The following CEP128 variants were observed in gnomAD, a reference collection of about 807,000 sequenced individuals.
The protein encoded by CEP128 is centrosomal protein 128.
In CEP128, 132 loss-of-function variants were observed where a neutral mutation model predicts 156.7. The ratio of observed to expected loss-of-function variants is 0.84; its 90% CI spans 0.73 to 0.97. CEP128 has a LOEUF of 0.97. Among genes scored for constraint, CEP128 ranks in the 50% least tolerant of loss-of-function variants. The pLI, the probability that CEP128 is intolerant of heterozygous loss-of-function variation, is 0.00. For missense variants in CEP128, 1,252 were observed against 1,281.9 expected, an observed-to-expected ratio of 0.98 and a Z score of 0.36; for synonymous variants, 469 against 448.9, an observed-to-expected ratio of 1.04 and a Z score of -0.57.
At chr14:80,576,268 T>C (rs1248074964) in intron 20 of CEP128, among the ~76,000 whole-genome samples, 1 of 152,176 alleles carries the variant, frequency 6.6e-6, no homozygotes, top group East Asian at 1.9e-4. Flanking sequence ...CAGCTGATCT[T>C]GAGAGGAATG....
At chr14:80,540,779 G>C (rs1247573624) in intron 21 of CEP128, among the ~76,000 whole-genome samples, 2 of 152,132 alleles carry the variant, frequency 1.3e-5, no homozygotes, top group Non-Finnish European at 2.9e-5. Flanking sequence ...GGGACTTGCT[G>C]AACAGTAGCA....
chr14:80,756,892 C>CT lies in CEP128; in HGVS notation c.2612dup (p.Thr872AspfsTer2). The CT allele has an allele frequency of 1.3e-6, 2 of 1,576,824 alleles. No individual in the cohort carries two copies. Among genetic ancestry groups the CT allele is most frequent in the Non-Finnish European group, 1.7e-6 (2 of 1,148,628 alleles). ...ACTTTAGGATTTAAAGATTAATTAC[C>CT]TTGCTTTCTGCTAACCAGCGATGTG... On this transcript the variant is annotated frameshift_variant and splice_region_variant, in exon 18 of 25. Transcript: ENST00000555265. LOFTEE classifies it high-confidence loss of function.
intron 13 of CEP128, among the ~76,000 whole-genome samples, chr14:80,825,704 C>G (rs1199655292): frequency 6.6e-6 from 1 of 152,148 alleles, no homozygotes; most frequent in Non-Finnish European, 1.5e-5. Context: ...GAAAAACCAC[C>G]TTTCCTCATA....
At chr14:80,490,442 GGA>G (rs1414118562), downstream of CEP128, 1 of 152,112 alleles carries the variant, frequency 6.6e-6, no homozygotes, top group East Asian at 1.9e-4. Context: ...GAAGTTCCTG[GGA>G]GTGAGAGAAA....
At chr14:80,510,424 C>T (rs1434231286) in intron 23 of CEP128, among the ~76,000 whole-genome samples, 1 of 151,980 alleles carries the variant, frequency 6.6e-6, no homozygotes, top group East Asian at 1.9e-4. Context: ...ACATCGTCCA[C>T]TGTTGGCATA....
At chr14:80,815,969 T>C (rs936923880) in intron 13 of CEP128, among the ~76,000 whole-genome samples, 1 of 151,956 alleles carries the variant, frequency 6.6e-6, no homozygotes, top group Non-Finnish European at 1.5e-5. Flanking sequence ...GGAGGGAAGT[T>C]TGAGATGAGA....
chr14:80,940,720 A>T (rs1250921639), intron 1 of CEP128, among the ~76,000 whole-genome samples: 1 of 152,046 alleles, frequency 6.6e-6, no homozygotes, highest in African/African-American at 2.4e-5. Context: ...TATTTACTCC[A>T]TTGAAAACAT....
intron 8 of CEP128, among the ~76,000 whole-genome samples, chr14:80,888,505 CAT>C (rs1307999674): frequency 6.6e-6 from 1 of 152,100 alleles, no homozygotes; most frequent in Non-Finnish European, 1.5e-5. Context: ...TAATCCATCA[CAT>C]AAACAAAACC....
At chr14:80,677,883 A>T (rs1896129708) in intron 19 of CEP128, among the ~76,000 whole-genome samples, 1 of 152,046 alleles carries the variant, frequency 6.6e-6, no homozygotes, top group Admixed American at 6.6e-5. Flanking sequence ...GTTGAAAAAC[A>T]TGTTTAAGAG....
intron 19 of CEP128, among the ~76,000 whole-genome samples, chr14:80,737,572 T>C (rs1377550942): frequency 6.6e-6 from 1 of 152,110 alleles, no homozygotes; most frequent in Non-Finnish European, 1.5e-5. Flanking sequence ...CTGAACAAGC[T>C]GGTCACAATG....
intron 23 of CEP128, among the ~76,000 whole-genome samples, chr14:80,520,441 C>CAAACA (rs1555370355): frequency 2.6e-5 from 4 of 151,110 alleles, no homozygotes; most frequent in African/African-American, 9.7e-5. Flanking sequence ...AACAAACAAA[C>CAAACA]AAAAAACAAC....
chr14:80,600,639 A>C (rs574844952), intron 19 of CEP128, among the ~76,000 whole-genome samples: 1 of 152,334 alleles, frequency 6.6e-6, no homozygotes, highest in East Asian at 1.9e-4. Flanking sequence ...AGTATCAGTA[A>C]AGGTAACTAT....
chr14:80,811,709 G>C (rs551775009), intron 13 of CEP128, among the ~76,000 whole-genome samples: 3 of 150,370 alleles, frequency 2.0e-5, no homozygotes, highest in East Asian at 3.9e-4. Flanking sequence ...GTGTGTTTGA[G>C]AGTGTGGGTG....
chr14:80,705,064 T>C (rs912762997), intron 19 of CEP128, among the ~76,000 whole-genome samples: 1 of 152,042 alleles, frequency 6.6e-6, no homozygotes, highest in Non-Finnish European at 1.5e-5. Context: ...ATTATTCTTA[T>C]ATTGTAAACA....
At chr14:80,782,089 C>T (rs1006691866) in intron 15 of CEP128, among the ~76,000 whole-genome samples, 6 of 152,232 alleles carry the variant, frequency 3.9e-5, no homozygotes, top group Non-Finnish European at 8.8e-5. Context: ...ACCCTGCCTT[C>T]CTTTCACATC....
intron 13 of CEP128, among the ~76,000 whole-genome samples, chr14:80,795,011 A>G (rs1260590720): frequency 1.3e-5 from 2 of 152,208 alleles, no homozygotes; most frequent in African/African-American, 4.8e-5. Flanking sequence ...AAATGAGACA[A>G]TATTATCCCC....
chr14:80,630,886 C>G (rs1893933321), intron 19 of CEP128, among the ~76,000 whole-genome samples: 1 of 151,994 alleles, frequency 6.6e-6, no homozygotes, highest in African/African-American at 2.4e-5. Flanking sequence ...GGTAAACTTA[C>G]AAACGCTGTC....
chr14:80,625,617 C>G (rs1050183901), intron 19 of CEP128, among the ~76,000 whole-genome samples: 4 of 152,014 alleles, frequency 2.6e-5, no homozygotes, highest in Non-Finnish European at 4.4e-5. Flanking sequence ...TTTGTGTCCT[C>G]TTCAATTTCT....
intron 19 of CEP128, among the ~76,000 whole-genome samples, chr14:80,675,662 G>T (rs1896030378): frequency 1.3e-5 from 2 of 151,950 alleles, no homozygotes. Flanking sequence ...TTATATTTTA[G>T]AATTAATATC....
Sources: allele counts gnomAD v4.1 joint callset (sites outside exome capture counted in the v4.1 genomes callset), GRCh38; gene constraint gnomAD v4.1.1; transcripts MANE v1.5; gene names NCBI Gene and HGNC (gene_info 2026-07-23, HGNC 2026-07-21).